DTNBP1: variants seen among roughly 807,000 people sequenced by gnomAD.
DTNBP1 encodes dystrobrevin binding protein 1.
DTNBP1 carries 35 observed loss-of-function variants against 42.8 expected under a neutral mutation model. The ratio of observed to expected loss-of-function variants is 0.82; its 90% confidence interval spans 0.63 to 1.09. The LOEUF (loss-of-function observed/expected upper bound fraction) is 1.09. DTNBP1 is among the 50% of genes least tolerant of loss of function. The probability of loss-of-function intolerance (pLI) is 0.00; values close to 1 mark genes in which losing one functional copy is unlikely to be tolerated. For synonymous variants in DTNBP1, 171 were observed against 162.2 expected (o/e 1.05, Z -0.41); for missense variants, 457 against 424.2 (o/e 1.08, Z -0.68).
intron 7 of DTNBP1, among the ~76,000 whole-genome samples, chr6:15,581,824 GAGA>G (rs1775853976): frequency 6.6e-6 from 1 of 152,114 alleles, no homozygotes; most frequent in South Asian, 2.1e-4. Context: ...ATCTGCAATA[GAGA>G]AGATTTGACT....
At chr6:15,543,900 C>A (rs1055639264) in intron 7 of DTNBP1, among the ~76,000 whole-genome samples, 2 of 152,198 alleles carry the variant, frequency 1.3e-5, no homozygotes, top group Non-Finnish European at 2.9e-5. Context: ...GGGAAAGACA[C>A]AGCAGTAGGA....
At chr6:15,528,663 C>T (rs530654394) in intron 8 of DTNBP1, among the ~76,000 whole-genome samples, 5 of 152,276 alleles carry the variant, frequency 3.3e-5, no homozygotes, top group Non-Finnish European at 5.9e-5. Context: ...TCAGAATGTG[C>T]ATATGTGGCT....
At chr6:15,525,826 G>A (rs1736459960) in intron 8 of DTNBP1, among the ~76,000 whole-genome samples, 1 of 152,196 alleles carries the variant, frequency 6.6e-6, no homozygotes, top group African/African-American at 2.4e-5. Context: ...AAGCCAAGAA[G>A]GGGAGATAAC....
At chr6:15,620,167 G>A (rs1399894885) in intron 5 of DTNBP1, among the ~76,000 whole-genome samples, 1 of 151,922 alleles carries the variant, frequency 6.6e-6, no homozygotes, top group East Asian at 1.9e-4. Flanking sequence ...TGTAGTTCAT[G>A]GTGCTTTTGA....
intron 6 of DTNBP1, among the ~76,000 whole-genome samples, chr6:15,599,025 T>G (rs79377886): frequency 0.025 from 3,868 of 152,260 alleles, 78 homozygotes; most frequent in South Asian, 0.047. Context: ...TAACAAAGCC[T>G]GGAATTTAAG....
chr6:15,660,447 A>T (rs1761540710), intron 1 of DTNBP1: 1 of 1,289,826 alleles, frequency 7.8e-7, no homozygotes, highest in African/African-American at 1.5e-5. Flanking sequence ...TCACTTGGAG[A>T]TGAGTTGTTT....
Position 15,523,150 on chromosome 6 carries a change from T to C in DTNBP1, c.881A>G (p.Lys294Arg). Residue 294 changes from lysine to arginine, a missense_variant, in exon 10 of 10, where the codon AAG (lysine) becomes AGG (arginine). Coordinates refer to ENST00000344537, the MANE Select transcript of DTNBP1 (RefSeq NM_032122.5). The stretch of plus-strand genomic sequence containing the variant: ...GCAGGTGGAGGAAGAAGAAGGTGGC[T>C]TGGCTCTTAATTCTGAGGGATTTGG... ...QVPNPSELRA[K>R]PPSSSSTCTD... The C allele has an allele frequency of 6.2e-7, 1 of 1,614,226 alleles. No homozygotes were observed. Among genetic ancestry groups the C allele is most frequent in the Non-Finnish European group, 8.5e-7 (1 of 1,180,038 alleles).
rs1248091804 is a variant in DTNBP1 at position 15,613,317 on chromosome 6, A to AG, written c.488+1949_488+1950insC. Among the ~76,000 whole-genome samples, 199 of 106,854 alleles carry AG rather than the reference A, an allele frequency of 1.9e-3. 10 individuals carry two copies. The highest frequency in any genetic ancestry group is 4.4e-3 in the African/African-American group (126 of 28,848). The allele number at this position is 106,854 out of a possible 152,430, so 70.1% of individuals were successfully genotyped here. A position where few individuals can be genotyped will look rare whatever the true frequency, so the allele number is the denominator to read the frequency against. ...AAACTCCATCTCAAAAAAAAAAAAA[A>AG]AAAAAAAAAAAAAAATGCCCCTTTT... On this transcript the variant is annotated intron_variant, in intron 6 of 9. Transcript: ENST00000344537.
At chr6:15,651,864 C>T (rs768378669) in intron 2 of DTNBP1, among the ~76,000 whole-genome samples, 6 of 152,170 alleles carry the variant, frequency 3.9e-5, no homozygotes, top group Non-Finnish European at 8.8e-5. Flanking sequence ...TACTCATTGA[C>T]TGTCAGAGTA....
At chr6:15,585,064 AATATATATATATATATATAT>A (rs59261831) in intron 7 of DTNBP1, among the ~76,000 whole-genome samples, 34,844 of 119,518 alleles carry the variant, frequency 0.29, 5,673 homozygotes, top group Admixed American at 0.37. Context: ...TTATGAAAAG[AATATATATATATATATATAT>A]ATATATATAT....
chr6:15,662,043 C>T (rs1581450406), intron 1 of DTNBP1, among the ~76,000 whole-genome samples: 1 of 152,178 alleles, frequency 6.6e-6, no homozygotes, highest in Admixed American at 6.5e-5. Context: ...CTGGAATCCC[C>T]TGGGGATCTT....
At chr6:15,631,644 G>A (rs1304192092) in intron 4 of DTNBP1, among the ~76,000 whole-genome samples, 2 of 152,118 alleles carry the variant, frequency 1.3e-5, no homozygotes, top group Non-Finnish European at 2.9e-5. Flanking sequence ...AAATCTCAAG[G>A]TGCACATGTG....
At chr6:15,629,887 A>G (rs1211933030) in intron 4 of DTNBP1, among the ~76,000 whole-genome samples, 1 of 152,186 alleles carries the variant, frequency 6.6e-6, no homozygotes, top group Non-Finnish European at 1.5e-5. Context: ...TAAAGGGAAG[A>G]AGAAAAGTAA....
chr6:15,627,791 A>G (rs910126713), intron 4 of DTNBP1, among the ~76,000 whole-genome samples: 1 of 103,086 alleles, frequency 9.7e-6, no homozygotes, highest in Non-Finnish European at 1.9e-5. Flanking sequence ...CTAAATCTAG[A>G]AAAAAAAAAA....
rs34136394 is a variant in DTNBP1 at position 15,566,314 on chromosome 6, CAA to C, written c.511+26743_511+26744del. On this transcript the variant is annotated intron_variant, in intron 7 of 9. Coordinates refer to ENST00000344537, the MANE Select transcript of DTNBP1 (RefSeq NM_032122.5). Reference sequence around the variant, plus strand: ...TGGGCGACAGAGCGAGACTCCGTCTCAAAAAAAAAAAAAAAAAAAAAATTCTA... The same window carrying C: ...TGGGCGACAGAGCGAGACTCCGTCTCAAAAAAAAAAAAAAAAAAAATTCTA... 1.5e-3 allele frequency among the ~76,000 whole-genome samples: 134 copies of C among 90,442 alleles called. 1 individual carries two copies. Among genetic ancestry groups the C allele is most frequent in the African/African-American group, 2.4e-3 (60 of 25,154 alleles). The allele number at this position is 90,442 out of a possible 152,430, so 59.3% of individuals were successfully genotyped here.
chr6:15,549,614 T>C (rs1774098953), intron 7 of DTNBP1, among the ~76,000 whole-genome samples: 1 of 150,996 alleles, frequency 6.6e-6, no homozygotes, highest in East Asian at 2.0e-4. Context: ...TCAGCCCTCC[T>C]AGCCACCTCT....
At chr6:15,652,291 C>A in intron 1 of DTNBP1, 151 bp from the exon 2 acceptor site, 1 of 567,610 alleles carries the variant, frequency 1.8e-6, no homozygotes, top group South Asian at 2.8e-5. Context: ...GTGATCCTCC[C>A]ACCTCATCCT....
chr6:15,555,295 A>G (rs981768979), intron 7 of DTNBP1, among the ~76,000 whole-genome samples: 1 of 151,930 alleles, frequency 6.6e-6, no homozygotes, highest in African/African-American at 2.4e-5. Flanking sequence ...ATGATCCAGC[A>G]ATATTGTCAA....
At chr6:15,616,403 G>A (rs1236610951) in intron 5 of DTNBP1, among the ~76,000 whole-genome samples, 1 of 152,234 alleles carries the variant, frequency 6.6e-6, no homozygotes, top group Non-Finnish European at 1.5e-5. Context: ...GAGCTTACAG[G>A]AGAGGGGAGG....
Sources: allele counts gnomAD v4.1 joint callset (sites outside exome capture counted in the v4.1 genomes callset), GRCh38; gene constraint gnomAD v4.1.1; transcripts MANE v1.5; gene names NCBI Gene and HGNC (gene_info 2026-07-23, HGNC 2026-07-21).